MYT1L: variants seen among roughly 807,000 people sequenced by gnomAD.
MYT1L encodes myelin transcription factor 1 like.
MYT1L carries 12 observed loss-of-function variants against 126.7 expected under a neutral mutation model. The observed-to-expected ratio is 0.09, with a 90% confidence interval of 0.06 to 0.15. The LOEUF (loss-of-function observed/expected upper bound fraction) is 0.15. Ranked by LOEUF, MYT1L falls within the 10% of genes least tolerant of loss-of-function variation. The pLI is 1.00. For missense variants in MYT1L, 979 were observed against 1,585.2 expected, an observed-to-expected ratio of 0.62 and a Z score of 6.49; for synonymous variants, 541 against 604.2, an observed-to-expected ratio of 0.90 and a Z score of 1.53.
At chr2:1,862,922 G>A (rs1289578870) in intron 18 of MYT1L, among the ~76,000 whole-genome samples, 1 of 152,116 alleles carries the variant, frequency 6.6e-6, no homozygotes, top group Non-Finnish European at 1.5e-5. Flanking sequence ...GGAGAGGAGA[G>A]GAGGAGCTGC....
At chr2:2,264,364 G>T (rs575223424) in intron 2 of MYT1L, among the ~76,000 whole-genome samples, 5 of 152,056 alleles carry the variant, frequency 3.3e-5, no homozygotes, top group African/African-American at 1.2e-4. Flanking sequence ...GACATCAGTA[G>T]AAATAGCATG....
chr2:1,886,471 A>G, intron 18 of MYT1L, 68 bp downstream of exon 18: 2 of 1,187,756 alleles, frequency 1.7e-6, no homozygotes, highest in Non-Finnish European at 2.3e-6. Flanking sequence ...CAAATGACAT[A>G]TCATTTTTTT....
intron 4 of MYT1L, among the ~76,000 whole-genome samples, chr2:2,005,312 C>CTTCTTTCCTGCGTGCG (rs1370444374): frequency 7.6e-6 from 1 of 131,944 alleles, no homozygotes; most frequent in African/African-American, 3.0e-5. Flanking sequence ...TCCTGCGTGC[C>CTTCTTTCCTGCGTGCG]TTCTTTCCTG....
At chr2:2,087,829 T>C (rs1353394146) in intron 3 of MYT1L, among the ~76,000 whole-genome samples, 9 of 152,204 alleles carry the variant, frequency 5.9e-5, no homozygotes, top group Non-Finnish European at 1.0e-4. Context: ...TAATCTATAA[T>C]GGCTTTTAAG....
chr2:1,844,893 T>C (rs2042285283), intron 19 of MYT1L, among the ~76,000 whole-genome samples: 1 of 152,094 alleles, frequency 6.6e-6, no homozygotes, highest in African/African-American at 2.4e-5. Context: ...CAATCCCTCC[T>C]TTCCTGGGCA....
chr2:1,901,367 T>C (rs1407602656), intron 14 of MYT1L, among the ~76,000 whole-genome samples: 1 of 152,204 alleles, frequency 6.6e-6, no homozygotes, highest in Non-Finnish European at 1.5e-5. Context: ...CAGCCTTCAA[T>C]TAGGAGAACT....
intron 1 of MYT1L, among the ~76,000 whole-genome samples, chr2:2,316,018 G>A (rs749878383): frequency 3.3e-5 from 5 of 152,044 alleles, no homozygotes; most frequent in Non-Finnish European, 7.4e-5. Flanking sequence ...ATAGTGGGTT[G>A]CTGTGTTAAA....
At chr2:2,322,170 T>C (rs1453293346) in intron 1 of MYT1L, among the ~76,000 whole-genome samples, 1 of 152,038 alleles carries the variant, frequency 6.6e-6, no homozygotes, top group African/African-American at 2.4e-5. Context: ...GTTTTTTTTT[T>C]TTCTTTCACA....
intron 3 of MYT1L, among the ~76,000 whole-genome samples, chr2:2,151,651 G>A (rs1025499803): frequency 6.6e-6 from 1 of 152,172 alleles, no homozygotes; most frequent in African/African-American, 2.4e-5. Flanking sequence ...ACCACACCAT[G>A]TCTATGCTGT....
At chr2:2,119,665 C>CAA (rs1389734206) in intron 3 of MYT1L, among the ~76,000 whole-genome samples, 1 of 152,172 alleles carries the variant, frequency 6.6e-6, no homozygotes. Context: ...CTTACTTATT[C>CAA]TTCCCTTGCT....
At chr2:1,968,832 T>C (rs2059590304) in intron 8 of MYT1L, among the ~76,000 whole-genome samples, 1 of 152,132 alleles carries the variant, frequency 6.6e-6, no homozygotes, top group African/African-American at 2.4e-5. Context: ...TCAGACCCCA[T>C]CCTGTCCACT....
At chr2:1,983,563 C>T (rs181436623) in intron 5 of MYT1L, among the ~76,000 whole-genome samples, 1 of 152,320 alleles carries the variant, frequency 6.6e-6, no homozygotes, top group Admixed American at 6.5e-5. Flanking sequence ...TGCCGGCACT[C>T]TCACACTTTG....
chr2:2,289,474 G>C (rs904411671), intron 1 of MYT1L, among the ~76,000 whole-genome samples: 3 of 152,108 alleles, frequency 2.0e-5, no homozygotes, highest in Non-Finnish European at 4.4e-5. Context: ...TTATAGAAAA[G>C]CTGGGCTTAC....
At chr2:2,093,997 T>C (rs141907415) in intron 3 of MYT1L, among the ~76,000 whole-genome samples, 9,900 of 152,286 alleles carry the variant, frequency 0.065, 590 homozygotes, top group Admixed American at 0.2. Flanking sequence ...GATCAGATAG[T>C]TGTAGATGTG....
In MYT1L at chr2:1,988,797, G is replaced by A. The variant is rs372725370; in HGVS notation, c.-1+8394C>T. ...ACCCACATCAGCCTCCCAAAGTGCT[G>A]TGATTACAGGCATGAGCCACTGCGC... On this transcript the variant is annotated intron_variant, in intron 5 of 24. Coordinates refer to ENST00000647738, the MANE Select transcript of MYT1L (RefSeq NM_001303052.2). Among the ~76,000 whole-genome samples the A allele has an allele frequency of 2.6e-5, 4 of 152,232 alleles. No individual in the cohort carries two copies. In the South Asian group the frequency reaches 8.3e-4, roughly 32 times the overall value.
chr2:1,967,761 G>A (rs1245224388), intron 8 of MYT1L, among the ~76,000 whole-genome samples: 3 of 152,144 alleles, frequency 2.0e-5, no homozygotes, highest in Non-Finnish European at 4.4e-5. Context: ...GTTTTGCTGC[G>A]CAGGCGAGAC....
intron 13 of MYT1L, among the ~76,000 whole-genome samples, chr2:1,908,332 T>C (rs1349250186): frequency 1.3e-5 from 2 of 152,128 alleles, no homozygotes; most frequent in Non-Finnish European, 2.9e-5. Context: ...CCCCACTCTG[T>C]GCTGGCCCCC....
intron 2 of MYT1L, among the ~76,000 whole-genome samples, chr2:2,182,626 C>T (rs899437292): frequency 3.3e-5 from 5 of 152,248 alleles, no homozygotes; most frequent in Admixed American, 1.3e-4. Context: ...GCAGGCATTG[C>T]GTCGGTTTTT....
rs534570837 is a variant in MYT1L, at chr2:1,858,429, T to TA, written c.2712-6727dup. Among the ~76,000 whole-genome samples the TA allele has an allele frequency of 3.3e-5, 5 of 152,216 alleles. No individual in the cohort carries two copies. The South Asian group carries it at 6.2e-4, about 19-fold the overall frequency. ...ATCAAAAATATTCAGAGAAAAATGA[T>TA]AAAAAACAATAAAAATAATACAAAT... On this transcript the variant is annotated intron_variant, in intron 18 of 24. Coordinates refer to ENST00000647738, the MANE Select transcript of MYT1L (RefSeq NM_001303052.2).
Sources: allele counts gnomAD v4.1 joint callset (sites outside exome capture counted in the v4.1 genomes callset), GRCh38; gene constraint gnomAD v4.1.1; transcripts MANE v1.5; gene names NCBI Gene and HGNC (gene_info 2026-07-23, HGNC 2026-07-21).